The following RNF149 variants were observed in gnomAD, a reference collection of about 807,000 sequenced individuals.
RNF149 encodes ring finger protein 149.
In RNF149, 21 loss-of-function variants were observed where a neutral mutation model predicts 39.0. The observed-to-expected ratio is 0.54, with a 90% confidence interval of 0.38 to 0.77. RNF149 has a LOEUF of 0.77. Among genes scored for constraint, RNF149 ranks in the 30% least tolerant of loss-of-function variants. The pLI, the probability that RNF149 is intolerant of heterozygous loss-of-function variation, is 0.00. For missense variants in RNF149, 493 were observed against 534.9 expected, an observed-to-expected ratio of 0.92 and a Z score of 0.77; for synonymous variants, 209 against 213.6, an observed-to-expected ratio of 0.98 and a Z score of 0.19.
downstream of RNF149, chr2:101,273,192 GCCAGT>G: frequency 8.4e-7 from 1 of 1,185,174 alleles, no homozygotes; most frequent in Non-Finnish European, 1.1e-6. Flanking sequence ...AACCCAGAAC[GCCAGT>G]CCAGACACCG....
chr2:101,273,022 C>A (rs200411630), downstream of RNF149: 1 of 1,352,972 alleles, frequency 7.4e-7, no homozygotes, highest in South Asian at 1.1e-5. Flanking sequence ...CACTGCAATT[C>A]GGCCTTTTCT....
At chr2:101,272,819 C>T (rs1048465188), downstream of RNF149, 2 of 553,750 alleles carry the variant, frequency 3.6e-6, no homozygotes, top group African/African-American at 2.0e-5. Flanking sequence ...GGTATTTCAT[C>T]CCCAGTATAT....
intron 1 of RNF149, among the ~76,000 whole-genome samples, chr2:101,298,292 G>A (rs1398969313): frequency 1.3e-5 from 2 of 152,094 alleles, no homozygotes; most frequent in African/African-American, 2.4e-5. Flanking sequence ...GGGTGTGGTG[G>A]TGCATGTCTG....
chr2:101,281,760 G>T, intron 6 of RNF149, 99 bp downstream of exon 6: 1 of 1,440,268 alleles, frequency 6.9e-7, no homozygotes, highest in Non-Finnish European at 9.6e-7. Context: ...TCAAACTCGA[G>T]CAATCCTCCC....
At chr2:101,284,047 T>C (rs962295451) in intron 5 of RNF149, among the ~76,000 whole-genome samples, 4 of 152,236 alleles carry the variant, frequency 2.6e-5, no homozygotes, top group Non-Finnish European at 5.9e-5. Flanking sequence ...TTCTCTCATC[T>C]AAGCTACAGT....
intron 2 of RNF149, 159 bp from the exon 3 acceptor site, chr2:101,294,241 C>T: frequency 2.0e-6 from 1 of 508,116 alleles, no homozygotes. Flanking sequence ...AATGGCAAAA[C>T]TGCGATTACT....
chr2:101,306,916 G>C (rs1242251504), intron 1 of RNF149, among the ~76,000 whole-genome samples: 1 of 152,190 alleles, frequency 6.6e-6, no homozygotes, highest in Non-Finnish European at 1.5e-5. Context: ...AAGAATGTCT[G>C]ACTTAGTAGC....
Position 101,308,646 on chromosome 2 carries a change from C to A in RNF149, c.-58G>T, listed in dbSNP as rs898699825. ...GGGTCACGCGCGAGTGCGGTGCAGT[C>A]GAAGAGCAGAGAGAAGCGGACACCC... On this transcript the variant is annotated 5_prime_UTR_variant, in exon 1 of 7. Transcript: ENST00000295317. 4 of 1,403,426 alleles carry A rather than the reference C, an allele frequency of 2.9e-6. No individual in the cohort carries two copies. The South Asian group carries it at 4.4e-5, about 16-fold the overall frequency. The allele number at this position is 1,403,426 out of a possible 1,614,324, so 86.9% of individuals were successfully genotyped here.
intron 1 of RNF149, among the ~76,000 whole-genome samples, chr2:101,295,727 T>C (rs1683207271): frequency 6.7e-6 from 1 of 148,780 alleles, no homozygotes. Context: ...AGGTGAAATC[T>C]ACCACCAAAC....
intron 5 of RNF149, among the ~76,000 whole-genome samples, chr2:101,282,425 C>T (rs1314446198): frequency 6.6e-6 from 1 of 152,108 alleles, no homozygotes; most frequent in Admixed American, 6.6e-5. Flanking sequence ...TACAGTGAGG[C>T]ACTAGGGTTT....
intron 6 of RNF149, 98 bp from the exon 7 acceptor site, chr2:101,277,379 A>G: frequency 6.9e-7 from 1 of 1,452,608 alleles, no homozygotes. Flanking sequence ...ATAATTCAAG[A>G]TGGTAAACAG....
chr2:101,308,612 G>A lies in RNF149; in HGVS notation c.-24C>T, dbSNP rs1327246890. On this transcript the variant is annotated 5_prime_UTR_variant, in exon 1 of 7. Coordinates refer to ENST00000295317, the MANE Select transcript of RNF149 (RefSeq NM_173647.4). ...ATGGCAGCACCGCTGAGCTGACTAG[G>A]GGGAGTCAGGGTCACGCGCGAGTGC... 4.0e-6 allele frequency: 6 copies of A among 1,494,928 alleles called. No individual in the cohort carries two copies. In the South Asian group the frequency reaches 5.2e-5, roughly 13 times the overall value. 92.6% of individuals were successfully genotyped at this position (1,494,928 alleles called of 1,614,324 possible). A position where few individuals can be genotyped will look rare whatever the true frequency, so the allele number is the denominator to read the frequency against.
intron 6 of RNF149, 80 bp downstream of exon 6, chr2:101,281,779 C>G: frequency 6.5e-7 from 1 of 1,544,264 alleles, no homozygotes; most frequent in South Asian, 1.2e-5. Context: ...CCACCTTAAA[C>G]TCCCAAAGCA....
At chr2:101,306,807 A>G (rs1442400865) in intron 1 of RNF149, among the ~76,000 whole-genome samples, 2 of 152,192 alleles carry the variant, frequency 1.3e-5, no homozygotes, top group Non-Finnish European at 2.9e-5. Context: ...TTCACAAAAT[A>G]GGCAAATCCA....
intron 1 of RNF149, among the ~76,000 whole-genome samples, chr2:101,301,083 A>G (rs1573259753): frequency 6.6e-6 from 1 of 152,330 alleles, no homozygotes; most frequent in African/African-American, 2.4e-5. Flanking sequence ...GATGACAGAG[A>G]AAAAGCCCTT....
intron 4 of RNF149, 134 bp downstream of exon 4, chr2:101,288,839 G>A: frequency 5.1e-6 from 3 of 587,026 alleles, no homozygotes; most frequent in Non-Finnish European, 6.1e-6. Context: ...TAAAATCCAA[G>A]CTGCTTTTCT....
At chr2:101,285,723 T>C (rs994281026) in intron 5 of RNF149, among the ~76,000 whole-genome samples, 11 of 152,218 alleles carry the variant, frequency 7.2e-5, no homozygotes, top group Admixed American at 7.2e-4. Context: ...AAAATGAGCA[T>C]ATTAAGCCTG....
chr2:101,281,980 T>C lies in RNF149; in HGVS notation c.1038A>G (p.Leu346=), dbSNP rs1401096713. Residue 346 remains leucine (L), a synonymous_variant, in exon 6 of 7, where the codon CTA becomes CTG. Coordinates refer to ENST00000295317, the MANE Select transcript of RNF149 (RefSeq NM_173647.4). ...CACTTCCGTCATCATCTGGTAAAGC[T>C]AGACTCAAATTTGCAGCTGGATCCC... The part of the protein sequence containing the change: ...PGRDPAANLS[L]ALPDDDGSDD... 48 of 1,613,960 alleles carry C rather than the reference T, an allele frequency of 3.0e-5. No homozygotes were observed. The highest frequency in any genetic ancestry group is 8.9e-5 in the East Asian group (4 of 44,882).
chr2:101,307,480 C>G (rs1683711008), intron 1 of RNF149, among the ~76,000 whole-genome samples: 1 of 152,174 alleles, frequency 6.6e-6, no homozygotes, highest in South Asian at 2.1e-4. Context: ...TGCCCGGCCC[C>G]AAGGTCTTTT....
Sources: allele counts gnomAD v4.1 joint callset (sites outside exome capture counted in the v4.1 genomes callset), GRCh38; gene constraint gnomAD v4.1.1; transcripts MANE v1.5; gene names NCBI Gene and HGNC (gene_info 2026-07-23, HGNC 2026-07-21).